Variants in AAMDC observed in about 807,000 individuals in gnomAD.
The protein encoded by AAMDC is adipogenesis associated Mth938 domain containing.
AAMDC carries 16 observed loss-of-function variants against 15.5 expected under a neutral mutation model. The ratio of observed to expected loss-of-function variants is 1.03; its 90% CI spans 0.70 to 1.57. The LOEUF (loss-of-function observed/expected upper bound fraction) is 1.57, where lower values mean the gene tolerates loss of function less well. Ranked by LOEUF, AAMDC falls within the 40% of genes most tolerant of loss-of-function variation. The pLI is 0.00. For missense variants in AAMDC, 141 were observed against 144.9 expected (o/e 0.97, Z 0.14); for synonymous variants, 51 against 51.6 (o/e 0.99, Z 0.05).
intron 1 of AAMDC, among the ~76,000 whole-genome samples, chr11:77,834,802 G>A (rs1949610827): frequency 6.6e-6 from 1 of 152,150 alleles, no homozygotes; most frequent in Non-Finnish European, 1.5e-5. Context: ...TCAAGATAAG[G>A]AGGTATAATG....
At chr11:77,826,559 G>A (rs1268946874) in intron 1 of AAMDC, among the ~76,000 whole-genome samples, 2 of 152,148 alleles carry the variant, frequency 1.3e-5, no homozygotes, top group Non-Finnish European at 1.5e-5. Flanking sequence ...TTAAGATACT[G>A]TATTTACATG....
intron 1 of AAMDC, among the ~76,000 whole-genome samples, chr11:77,839,360 C>T (rs1204667871): frequency 1.3e-5 from 2 of 152,156 alleles, no homozygotes; most frequent in Non-Finnish European, 2.9e-5. Flanking sequence ...AATGCTTTTA[C>T]ACTATTGGTG....
At chr11:77,869,307 TTTTTC>T (rs1369769573) in intron 2 of AAMDC, 1 of 116,410 alleles carries the variant, frequency 8.6e-6, no homozygotes, top group African/African-American at 4.0e-5. Flanking sequence ...TATTTATCTC[TTTTTC>T]TTTTTTTTTT....
chr11:77,885,456 C>A (rs1951964676), intron 5 of AAMDC, among the ~76,000 whole-genome samples: 1 of 152,096 alleles, frequency 6.6e-6, no homozygotes, highest in Admixed American at 6.6e-5. Flanking sequence ...GAAAAAAATG[C>A]AGGTGTCTCA....
At chr11:77,864,718 C>T (rs1466689907) in intron 2 of AAMDC, among the ~76,000 whole-genome samples, 1 of 152,154 alleles carries the variant, frequency 6.6e-6, no homozygotes, top group Non-Finnish European at 1.5e-5. Flanking sequence ...GTGGCTCACA[C>T]CTGTAATCTC....
At chr11:77,836,513 C>T (rs1388919308) in intron 1 of AAMDC, among the ~76,000 whole-genome samples, 4 of 152,146 alleles carry the variant, frequency 2.6e-5, no homozygotes, top group Admixed American at 2.6e-4. Flanking sequence ...GACTTCTGGT[C>T]TCCAGAAGTG....
At chr11:77,903,066 G>A (rs1194748247), downstream of AAMDC, among the ~76,000 whole-genome samples, 6 of 152,088 alleles carry the variant, frequency 3.9e-5, no homozygotes, top group Non-Finnish European at 7.4e-5. Flanking sequence ...CACCGCGCCC[G>A]GCCCAACTGC....
Position 77,847,207 on chromosome 11 carries a change from T to C in AAMDC, c.132+4579T>C, listed in dbSNP as rs149783954. 2.9e-3 allele frequency among the ~76,000 whole-genome samples: 435 copies of C among 152,324 alleles called. 3 individuals carry two copies. The highest frequency in any genetic ancestry group is 9.7e-3 in the African/African-American group (404 of 41,576). ...TGGCAGTGCCTTAGGGTAACTTCAA[T>C]ATCAGTTCACCATTTTGATTTCCAA... On this transcript the variant is annotated intron_variant, in intron 2 of 3. Transcript: ENST00000393427.
intron 2 of AAMDC, among the ~76,000 whole-genome samples, chr11:77,852,437 T>G (rs1359282590): frequency 6.6e-6 from 1 of 152,054 alleles, no homozygotes; most frequent in East Asian, 1.9e-4. Flanking sequence ...GATTCAGAAT[T>G]CAAACTTCAA....
intron 5 of AAMDC, among the ~76,000 whole-genome samples, chr11:77,895,070 CCTCT>C (rs1394531618): frequency 1.3e-5 from 2 of 152,098 alleles, no homozygotes; most frequent in Non-Finnish European, 2.9e-5. Flanking sequence ...GGTGTTCCTT[CCTCT>C]CTATCTTGAA....
rs756693045 is a variant in AAMDC, at chr11:77,872,215, T to C, written c.269T>C (p.Ile90Thr). The change falls in exon 4 of 4, where the codon ATT (isoleucine) becomes ACT (threonine). Residue 90 changes from isoleucine to threonine, a missense_variant. By Grantham distance (89) the Ile-to-Thr change is moderately conservative (BLOSUM62 -1). Coordinates refer to ENST00000393427, the MANE Select transcript of AAMDC (RefSeq NM_024684.4). ...STVEYLKKHG[I>T]DVRVLQTEQA... ...GTGGAGTACCTCAAGAAACATGGCA[T>C]TGATGTGCGGGTCCTCCAGACAGAG... 12 of 1,613,796 alleles carry C rather than the reference T, an allele frequency of 7.4e-6. No homozygotes were observed. Among genetic ancestry groups the C allele is most frequent in the African/African-American group, 5.3e-5 (4 of 74,914 alleles).
At chr11:77,824,397 T>C (rs1358218436) in intron 1 of AAMDC, among the ~76,000 whole-genome samples, 1 of 152,236 alleles carries the variant, frequency 6.6e-6, no homozygotes, top group African/African-American at 2.4e-5. Context: ...ATAAGAAATT[T>C]CTTAAGATAT....
chr11:77,843,912 AG>A (rs1449471009), intron 2 of AAMDC, among the ~76,000 whole-genome samples: 2 of 152,182 alleles, frequency 1.3e-5, no homozygotes, highest in Non-Finnish European at 2.9e-5. Context: ...GCAGGCAAAG[AG>A]AGCTTGTGCA....
rs375463119 is a variant in AAMDC, at chr11:77,837,815, G to A, written c.-18-4664G>A. On this transcript the variant is annotated intron_variant, in intron 1 of 3. Transcript: ENST00000393427. ...CTCATGCCTATAATGCAAGCACTTG[G>A]GAGGCTGAGAAGACAGATTGCTTGA... Among the ~76,000 whole-genome samples the A allele has an allele frequency of 4.6e-5, 7 of 152,278 alleles. No individual in the cohort carries two copies. In the East Asian group the frequency reaches 1.3e-3, roughly 29 times the overall value.
intron 5 of AAMDC, among the ~76,000 whole-genome samples, chr11:77,887,583 A>G (rs1952070285): frequency 6.6e-6 from 1 of 152,180 alleles, no homozygotes; most frequent in African/African-American, 2.4e-5. Context: ...GCAATTAGGT[A>G]GGAGAAGGAA....
At chr11:77,882,307 G>A (rs750412629) in intron 5 of AAMDC, among the ~76,000 whole-genome samples, 5 of 152,186 alleles carry the variant, frequency 3.3e-5, no homozygotes, top group Non-Finnish European at 5.9e-5. Flanking sequence ...GAGGAAATGG[G>A]GCCTAGGAAA....
intron 5 of AAMDC, chr11:77,891,674 C>T: frequency 7.4e-6 from 12 of 1,611,876 alleles, no homozygotes; most frequent in South Asian, 1.1e-5. Context: ...GCCAAATAGA[C>T]CCTGACCTGC....
chr11:77,842,504 C>T lies in AAMDC; in HGVS notation c.8C>T (p.Ser3Phe), dbSNP rs1949972823. The change falls in exon 2 of 4, where the codon TCC becomes TTC. Residue 3 changes from serine to phenylalanine, a missense_variant. By Grantham distance (155) the Ser-to-Phe change is radical. Coordinates refer to ENST00000393427, the MANE Select transcript of AAMDC (RefSeq NM_024684.4). MT[S>F]PEIASLSWGQ... ...ACTTCAGTGAAGTTCCTTATGACTT[C>T]CCCTGAAATTGCTTCCTTATCATGG... 4 of 1,613,256 alleles carry T rather than the reference C, an allele frequency of 2.5e-6. No individual in the cohort carries two copies. Among genetic ancestry groups the T allele is most frequent in the African/African-American group, 2.7e-5 (2 of 74,958 alleles).
chr11:77,869,306 C>CTCTTTTTTTTTTTTTT (rs1555014194), intron 2 of AAMDC: 1 of 120,370 alleles, frequency 8.3e-6, no homozygotes, highest in Non-Finnish European at 1.8e-5. Context: ...TTATTTATCT[C>CTCTTTTTTTTTTTTTT]TTTTTCTTTT....
Sources: allele counts gnomAD v4.1 joint callset (sites outside exome capture counted in the v4.1 genomes callset), GRCh38; gene constraint gnomAD v4.1.1; transcripts MANE v1.5; gene names NCBI Gene and HGNC (gene_info 2026-07-23, HGNC 2026-07-21).